Variants in WDR37 observed in about 807,000 individuals in gnomAD.
WDR37 encodes the protein WD repeat-containing protein 37.
In WDR37, 19 loss-of-function variants were observed where a neutral mutation model predicts 62.9. That is an observed-to-expected ratio of 0.30 (90% CI 0.21 to 0.44). WDR37 has a LOEUF of 0.44. WDR37 is among the 20% of genes least tolerant of loss of function. The pLI is 1.00. For synonymous variants in WDR37, 250 were observed against 260.9 expected, an observed-to-expected ratio of 0.96 and a Z score of 0.40; for missense variants, 474 against 657.6, an observed-to-expected ratio of 0.72 and a Z score of 3.05.
intron 1 of WDR37, among the ~76,000 whole-genome samples, chr10:1,064,663 T>A (rs1377279957): frequency 7.2e-6 from 1 of 138,556 alleles, no homozygotes; most frequent in African/African-American, 2.7e-5. Context: ...TGGTGTGATC[T>A]CAGCTCACTA....
At chr10:1,067,422 T>C (rs1277030976) in intron 1 of WDR37, among the ~76,000 whole-genome samples, 2 of 152,158 alleles carry the variant, frequency 1.3e-5, no homozygotes, top group African/African-American at 2.4e-5. Flanking sequence ...GTGTGATGCA[T>C]AGAAAAAATT....
At chr10:1,063,978 G>A (rs778599739) in intron 1 of WDR37, among the ~76,000 whole-genome samples, 1 of 152,184 alleles carries the variant, frequency 6.6e-6, no homozygotes, top group African/African-American at 2.4e-5. Context: ...AAAGACCACT[G>A]ATGCCAACGT....
chr10:1,106,046 A>G (rs1835004457), intron 11 of WDR37, among the ~76,000 whole-genome samples: 1 of 151,952 alleles, frequency 6.6e-6, no homozygotes, highest in Non-Finnish European at 1.5e-5. Context: ...CGGCCTCCCA[A>G]AGTGCTGGGA....
rs189104996 is a variant in WDR37 at position 1,115,229 on chromosome 10, C to T, written c.1104-8989C>T. Among the ~76,000 whole-genome samples the T allele has an allele frequency of 5.3e-5, 8 of 152,264 alleles. No individual in the cohort carries two copies. The East Asian group carries it at 1.5e-3, about 29-fold the overall frequency. Reference sequence around the variant, plus strand: ...AACATGGATGCAATATTTGAGGATGCAAAGTTTTTTGTTTTCTTCCTTTTT... The same window carrying T: ...AACATGGATGCAATATTTGAGGATGTAAAGTTTTTTGTTTTCTTCCTTTTT... On this transcript the variant is annotated intron_variant, in intron 11 of 13. Coordinates refer to ENST00000263150, the MANE Select transcript of WDR37 (RefSeq NM_014023.4).
chr10:1,103,697 G>A lies in WDR37; in HGVS notation c.822G>A (p.Leu274=). 1 of 1,614,228 alleles carries A rather than the reference G, an allele frequency of 6.2e-7. No individual in the cohort carries two copies. The highest frequency in any genetic ancestry group is 8.5e-7 in the Non-Finnish European group (1 of 1,180,046). The change falls in exon 10 of 14, where the codon CTG becomes CTA. Residue 274 remains leucine (L), a synonymous_variant. Coordinates refer to ENST00000263150, the MANE Select transcript of WDR37 (RefSeq NM_014023.4). The surrounding 1 kb of genome is among the most constrained non-coding windows in gnomAD (Gnocchi z 6.3). ...SSDCPTIRVP[L]TSLKSHQGVV... ...ACTGCCCCACCATCCGCGTCCCACT[G>A]ACATCCCTCAAGAGCCACCAGGGCG...
chr10:1,067,129 A>G (rs980933065), intron 1 of WDR37, among the ~76,000 whole-genome samples: 6 of 152,230 alleles, frequency 3.9e-5, no homozygotes, highest in African/African-American at 1.4e-4. Flanking sequence ...GAACCAAGAA[A>G]TAACCCCACA....
At chr10:1,075,433 C>T (rs1225334516) in intron 2 of WDR37, among the ~76,000 whole-genome samples, 1 of 146,242 alleles carries the variant, frequency 6.8e-6, no homozygotes, top group East Asian at 2.1e-4. Context: ...CTTCCCCCAG[C>T]CCCCCAACGC....
At chr10:1,117,589 T>A (rs1377440221) in intron 11 of WDR37, among the ~76,000 whole-genome samples, 1 of 152,196 alleles carries the variant, frequency 6.6e-6, no homozygotes, top group African/African-American at 2.4e-5. Context: ...AAGACAGCCA[T>A]CAGGCTATTG....
intron 11 of WDR37, among the ~76,000 whole-genome samples, chr10:1,117,810 G>C (rs1265670684): frequency 6.6e-6 from 1 of 152,216 alleles, no homozygotes; most frequent in Non-Finnish European, 1.5e-5. Context: ...CAGGGCCCGG[G>C]TGGCATGTGA....
chr10:1,115,142 C>T (rs1003057215), intron 11 of WDR37, among the ~76,000 whole-genome samples: 5 of 151,946 alleles, frequency 3.3e-5, no homozygotes, highest in African/African-American at 4.8e-5. Flanking sequence ...TGCCTTGTGC[C>T]GGGCTGGCAG....
At chr10:1,098,379 G>A (rs1343564734) in intron 9 of WDR37, among the ~76,000 whole-genome samples, 1 of 149,104 alleles carries the variant, frequency 6.7e-6, no homozygotes, top group Non-Finnish European at 1.5e-5. Context: ...CCAGGCTGGA[G>A]TGCAGTGGCG....
intron 11 of WDR37, chr10:1,123,912 A>G (rs1470181278): frequency 6.5e-6 from 2 of 309,140 alleles, no homozygotes; most frequent in Non-Finnish European, 1.2e-5. Flanking sequence ...ATAGACCCAG[A>G]TGTGTAGACA....
Position 1,127,956 on chromosome 10 carries a change from G to A in WDR37, c.1354-1257G>A, listed in dbSNP as rs747286646. 2.7e-4 allele frequency among the ~76,000 whole-genome samples: 41 copies of A among 152,350 alleles called. 1 individual carries two copies. The South Asian group carries it at 3.3e-3, about 12-fold the overall frequency. ...GGAAGCTCTTTGGCACTTCTGCAGC[G>A]AATGCCTTGAGTTTCACTGTGCAGA... On this transcript the variant is annotated intron_variant, in intron 13 of 13. Coordinates refer to ENST00000263150, the MANE Select transcript of WDR37 (RefSeq NM_014023.4).
chr10:1,102,787 C>T lies in WDR37; in HGVS notation c.727-815C>T, dbSNP rs550317515. Among the ~76,000 whole-genome samples, 5 of 152,272 alleles carry T rather than the reference C, an allele frequency of 3.3e-5. No individual in the cohort carries two copies. In the South Asian group the frequency reaches 1.0e-3, roughly 32 times the overall value. ...CAAATTATCAGTTCCAGTACTAGTACTTGTGTATATATGACATACCTCTCC... is the reference window on the plus strand; with the variant it reads ...CAAATTATCAGTTCCAGTACTAGTATTTGTGTATATATGACATACCTCTCC... On this transcript the variant is annotated intron_variant, in intron 9 of 13. Coordinates refer to ENST00000263150, the MANE Select transcript of WDR37 (RefSeq NM_014023.4).
chr10:1,087,229 C>T (rs935308935), intron 7 of WDR37, among the ~76,000 whole-genome samples: 15 of 152,202 alleles, frequency 9.9e-5, no homozygotes, highest in African/African-American at 3.4e-4. Flanking sequence ...CCCCCTCCTC[C>T]GTGCTGCCTT....
intron 1 of WDR37, among the ~76,000 whole-genome samples, chr10:1,062,960 C>T (rs1833418353): frequency 2.0e-5 from 3 of 152,030 alleles, no homozygotes; most frequent in Admixed American, 2.0e-4. Flanking sequence ...CTGTTGGGCA[C>T]CTGTAGTCCC....
intron 11 of WDR37, among the ~76,000 whole-genome samples, chr10:1,113,370 G>T (rs1835278461): frequency 6.6e-6 from 1 of 152,160 alleles, no homozygotes; most frequent in Admixed American, 6.5e-5. Flanking sequence ...TGTACAAGGA[G>T]ATGAATGGTG....
At chr10:1,093,052 G>A (rs1834453906) in intron 7 of WDR37, among the ~76,000 whole-genome samples, 1 of 151,990 alleles carries the variant, frequency 6.6e-6, no homozygotes, top group Non-Finnish European at 1.5e-5. Context: ...GGGGTCCTTA[G>A]GCTGGGAAGG....
rs566482273 is a variant in WDR37 at position 1,077,206 on chromosome 10, A to G, written c.139-701A>G. Among the ~76,000 whole-genome samples the G allele has an allele frequency of 2.6e-5, 4 of 152,108 alleles. No homozygotes were observed. The South Asian group carries it at 6.2e-4, about 24-fold the overall frequency. On this transcript the variant is annotated intron_variant, in intron 2 of 13. Transcript: ENST00000263150. ...GGTCCAAGCAGTGAGTGCCTGTGAT[A>G]TGTTTGGTGCTCAGGACCTGCTTAC...
Sources: gnomAD v4.1 joint callset for allele counts (sites outside exome capture counted in the v4.1 genomes callset) on GRCh38, gnomAD v4.1.1 for gene constraint, Gnocchi (gnomAD v3.1) non-coding constraint, MANE v1.5 for transcripts, NCBI Gene and HGNC (gene_info 2026-07-23, HGNC 2026-07-21) for gene names.